Variants in SLC4A1AP observed in about 807,000 individuals in gnomAD.
SLC4A1AP encodes the protein kanadaptin.
Under a neutral mutation model 89.7 loss-of-function variants are expected in SLC4A1AP, and 64 were observed. The observed-to-expected ratio is 0.71, with a 90% confidence interval of 0.58 to 0.88. The LOEUF (loss-of-function observed/expected upper bound fraction) is 0.88, where lower values mean the gene tolerates loss of function less well. Among genes scored for constraint, SLC4A1AP ranks in the 40% least tolerant of loss-of-function variants. SLC4A1AP has a pLI of 0.00. For missense variants in SLC4A1AP, 931 were observed against 965.0 expected (o/e 0.96, Z 0.47); for synonymous variants, 366 against 353.3 (o/e 1.04, Z -0.40).
At chr2:27,685,474 G>A (rs1488396255) in intron 10 of SLC4A1AP, among the ~76,000 whole-genome samples, 197 bp downstream of exon 10, 2 of 152,132 alleles carry the variant, frequency 1.3e-5, no homozygotes, top group East Asian at 3.8e-4. Context: ...TGCAAATTAA[G>A]GGCAGTTATT....
At chr2:27,678,043 T>A in intron 8 of SLC4A1AP, 119 bp downstream of exon 8, 1 of 648,470 alleles carries the variant, frequency 1.5e-6, no homozygotes, top group East Asian at 3.2e-5. Context: ...CAAGGAACCC[T>A]TTAAAGCACA....
intron 9 of SLC4A1AP, among the ~76,000 whole-genome samples, chr2:27,684,628 C>T (rs914565633): frequency 4.6e-5 from 7 of 152,126 alleles, no homozygotes; most frequent in South Asian, 4.1e-4. Flanking sequence ...CTTGAAATTA[C>T]GCTAAGTCTA....
chr2:27,665,227 T>C (rs775775410), exon 2 of SLC4A1AP: 3 of 1,613,504 alleles, frequency 1.9e-6, no homozygotes, highest in Admixed American at 1.7e-5. Context: ...GAAGAGGAAA[T>C]GGATACCTCT....
rs115415362 is a variant in SLC4A1AP, at chr2:27,665,273, G to T, written c.999G>T (p.Glu333Asp). Residue 333 changes from glutamate (E) to aspartate (D), a missense_variant, in exon 2 of 14, where the codon GAG becomes GAT. Physicochemically the swap from Glu to Asp is conservative, Grantham distance 45 (BLOSUM62 2). Coordinates refer to ENST00000613058, the Ensembl canonical transcript of SLC4A1AP. Reference sequence around the variant, plus strand: ...TAAATGCTGGTAGCCAAGATGATGAGATGGGTTGCACCTGGGGAATGGGTA... The same window carrying T: ...TAAATGCTGGTAGCCAAGATGATGATATGGGTTGCACCTGGGGAATGGGTA... The T allele has an allele frequency of 3.1e-6, 5 of 1,610,964 alleles. No homozygotes were observed. In the African/African-American group the frequency reaches 4.0e-5, roughly 13 times the overall value.
intron 5 of SLC4A1AP, 49 bp downstream of exon 5, chr2:27,669,436 C>G (rs771029785): frequency 1.4e-6 from 2 of 1,444,442 alleles, no homozygotes; most frequent in Admixed American, 2.6e-5. Flanking sequence ...AAGGAAAACT[C>G]AACACAAACG....
At chr2:27,688,704 A>G in exon 12 of SLC4A1AP, 1 of 1,594,706 alleles carries the variant, frequency 6.3e-7, no homozygotes. Context: ...AATTAGCATC[A>G]AAGAATGAAT....
At position 27,688,115 on chromosome 2, in the gene SLC4A1AP, G is replaced by GA. The variant is rs1675733880; in HGVS notation, c.2203+96dup. 9.4e-6 allele frequency: 9 copies of GA among 957,908 alleles called. No homozygotes were observed. The South Asian group carries it at 1.1e-4, about 12-fold the overall frequency. 59.3% of individuals were successfully genotyped at this position (957,908 alleles called of 1,614,324 possible). A position where few individuals can be genotyped will look rare whatever the true frequency, so the allele number is the denominator to read the frequency against. ...TGGCAGCTGACCTGAAGGCAGCACAGAGAATGGTCCTTTAGTTATGTTGCC... is the reference window on the plus strand; with the variant it reads ...TGGCAGCTGACCTGAAGGCAGCACAGAAGAATGGTCCTTTAGTTATGTTGCC... On this transcript the variant is annotated intron_variant, in intron 11 of 13. Transcript: ENST00000613058.
chr2:27,691,546 C>G (rs1244293960), intron 12 of SLC4A1AP: 1 of 148,770 alleles, frequency 6.7e-6, no homozygotes, highest in Non-Finnish European at 1.5e-5. Flanking sequence ...TAGTTCTGCT[C>G]TGATCTTTGT....
exon 13 of SLC4A1AP, chr2:27,693,739 T>C (rs1367987177): frequency 8.1e-6 from 13 of 1,612,436 alleles, no homozygotes; most frequent in African/African-American, 1.3e-5. Context: ...CTACTGTGTG[T>C]GGGTCCCACC....
chr2:27,679,939 C>T (rs879297054), intron 8 of SLC4A1AP, among the ~76,000 whole-genome samples: 7 of 152,124 alleles, frequency 4.6e-5, no homozygotes, highest in Admixed American at 1.3e-4. Context: ...GGAGAAGAAG[C>T]TGGGCTAAGA....
At chr2:27,675,104 C>A (rs1675495451) in intron 5 of SLC4A1AP, among the ~76,000 whole-genome samples, 1 of 152,108 alleles carries the variant, frequency 6.6e-6, no homozygotes, top group Non-Finnish European at 1.5e-5. Flanking sequence ...GAAAAGTGTA[C>A]CATTTTAAGC....
chr2:27,691,550 T>C (rs1037535684), intron 12 of SLC4A1AP: 3 of 151,858 alleles, frequency 2.0e-5, no homozygotes, highest in African/African-American at 7.2e-5. Context: ...TCTGCTCTGA[T>C]CTTTGTTATT....
intron 12 of SLC4A1AP, among the ~76,000 whole-genome samples, chr2:27,690,113 A>G (rs1227325750): frequency 6.6e-6 from 1 of 152,236 alleles, no homozygotes; most frequent in Non-Finnish European, 1.5e-5. Context: ...GCTAACAGGC[A>G]TAAGGACAAT....
At chr2:27,673,715 A>T (rs998364202) in intron 5 of SLC4A1AP, among the ~76,000 whole-genome samples, 5 of 152,040 alleles carry the variant, frequency 3.3e-5, no homozygotes, top group African/African-American at 1.2e-4. Context: ...GTTTATTGGG[A>T]TTTAGGGAAA....
chr2:27,691,330 A>G (rs1035360742), intron 12 of SLC4A1AP, among the ~76,000 whole-genome samples: 3 of 152,008 alleles, frequency 2.0e-5, no homozygotes, highest in Non-Finnish European at 4.4e-5. Flanking sequence ...GTTTGTGTGC[A>G]TAGAGGTGTT....
At chr2:27,681,525 C>G (rs572892465) in intron 8 of SLC4A1AP, among the ~76,000 whole-genome samples, 9 of 152,238 alleles carry the variant, frequency 5.9e-5, no homozygotes, top group African/African-American at 1.7e-4. Flanking sequence ...TATGCTTATT[C>G]TGGGGTTTCC....
rs193186903 is a variant in SLC4A1AP at position 27,676,945 on chromosome 2, C to A, written c.1507-350C>A. ...CATGAGGTCAGGAGATTGAGACCAT[C>A]CTGGCCAACATGGTGAAACCCTGTC... On this transcript the variant is annotated intron_variant, in intron 6 of 13. Transcript: ENST00000613058. Among the ~76,000 whole-genome samples, 12 of 151,902 alleles carry A rather than the reference C, an allele frequency of 7.9e-5. No individual in the cohort carries two copies. In the East Asian group the frequency reaches 2.1e-3, roughly 27 times the overall value.
rs759479769 is a variant in SLC4A1AP at position 27,688,028 on chromosome 2, G to A, written c.2203+8G>A. 3 of 1,611,946 alleles carry A rather than the reference G, an allele frequency of 1.9e-6. No homozygotes were observed. Among genetic ancestry groups the A allele is most frequent in the Non-Finnish European group, 2.5e-6 (3 of 1,178,092 alleles). On this transcript the variant is annotated splice_region_variant and intron_variant, in intron 11 of 13. Transcript: ENST00000613058. Reference sequence around the variant, plus strand: ...TGTGCGCAGGACCCTCAGGCAAGTAGTACGGCAGCCTTCATTGCTGCTCTG... The same window carrying A: ...TGTGCGCAGGACCCTCAGGCAAGTAATACGGCAGCCTTCATTGCTGCTCTG...
rs761151199 is a variant in SLC4A1AP, at chr2:27,665,085, T to C, written c.826-15T>C. ...TCTAAATAAATAAATAACCTTTTTT[T>C]CCTTGGTTCATCAGGGACCAGAGGA... is the stretch of plus-strand genomic sequence containing the variant. On this transcript the variant is annotated splice_polypyrimidine_tract_variant and intron_variant, in intron 1 of 13. Transcript: ENST00000613058. The C allele has an allele frequency of 3.3e-5, 53 of 1,591,680 alleles. No homozygotes were observed. The highest frequency in any genetic ancestry group is 3.9e-5 in the Non-Finnish European group (46 of 1,169,286).
Sources: allele counts gnomAD v4.1 joint callset (sites outside exome capture counted in the v4.1 genomes callset), GRCh38; gene constraint gnomAD v4.1.1; transcripts MANE v1.5; gene names NCBI Gene and HGNC (gene_info 2026-07-23, HGNC 2026-07-21).